PCDHGB2: variants seen among roughly 807,000 people sequenced by gnomAD.
PCDHGB2 encodes protocadherin gamma subfamily B, 2, also known as protocadherin gamma-B2.
In PCDHGB2, 55 loss-of-function variants were observed where a neutral mutation model predicts 59.3. The ratio of observed to expected loss-of-function variants is 0.93; its 90% CI spans 0.75 to 1.16. The LOEUF (loss-of-function observed/expected upper bound fraction) is 1.16. Ranked by LOEUF, PCDHGB2 falls within the 50% of genes most tolerant of loss-of-function variation. PCDHGB2 has a pLI of 0.00. For missense variants in PCDHGB2, 1,228 were observed against 1,198.5 expected, an observed-to-expected ratio of 1.02 and a Z score of -0.36; for synonymous variants, 516 against 512.0, an observed-to-expected ratio of 1.01 and a Z score of -0.11.
At chr5:141,457,560 G>A (rs1466753974) in intron 1 of PCDHGB2, among the ~76,000 whole-genome samples, 1 of 152,162 alleles carries the variant, frequency 6.6e-6, no homozygotes, top group African/African-American at 2.4e-5. Flanking sequence ...ATAAGCTTTG[G>A]AGCAAAATTT....
chr5:141,427,892 C>G (rs752723370), intron 1 of PCDHGB2: 2 of 1,567,044 alleles, frequency 1.3e-6, no homozygotes, highest in African/African-American at 2.7e-5. Context: ...ACGACCAGGG[C>G]TCGCCCGCGC....
chr5:141,396,439 T>C (rs1191341482), intron 1 of PCDHGB2: 1 of 152,138 alleles, frequency 6.6e-6, no homozygotes, highest in African/African-American at 2.4e-5. Flanking sequence ...GCAAACATGG[T>C]GAAACCCCGT....
intron 1 of PCDHGB2, chr5:141,409,829 A>AGC (rs2095323181): frequency 6.2e-7 from 1 of 1,610,980 alleles, no homozygotes; most frequent in African/African-American, 1.3e-5. Context: ...GCCCACGCTC[A>AGC]GCGCCAACGT....
At chr5:141,412,367 A>C (rs1055060515) in intron 1 of PCDHGB2, 3 of 152,264 alleles carry the variant, frequency 2.0e-5, no homozygotes, top group Admixed American at 6.5e-5. Flanking sequence ...TTACCTGCTT[A>C]ATCATTTAAA....
chr5:141,425,221 C>T (rs2096862694), intron 1 of PCDHGB2, among the ~76,000 whole-genome samples: 1 of 152,068 alleles, frequency 6.6e-6, no homozygotes, highest in African/African-American at 2.4e-5. Context: ...TGTACTTTGA[C>T]TGGAATTAGT....
rs768311217 is a variant in PCDHGB2 at position 141,382,969 on chromosome 5, T to C, written c.2421+20413T>C. On this transcript the variant is annotated intron_variant, in intron 1 of 3. Coordinates refer to ENST00000522605, the MANE Select transcript of PCDHGB2 (RefSeq NM_018923.3). Reference sequence around the variant, plus strand: ...GCTCTCCATCCTCCTGGGGACCCCCTGGGAAGCCTGGGCAGGACGTATTCT... The same window carrying C: ...GCTCTCCATCCTCCTGGGGACCCCCCGGGAAGCCTGGGCAGGACGTATTCT... The C allele has an allele frequency of 1.2e-5, 19 of 1,609,300 alleles. No homozygotes were observed. Among genetic ancestry groups the C allele is most frequent in the Non-Finnish European group, 1.6e-5 (19 of 1,176,708 alleles).
chr5:141,387,194 G>T (rs867598874), intron 1 of PCDHGB2, among the ~76,000 whole-genome samples: 1 of 152,178 alleles, frequency 6.6e-6, no homozygotes, highest in Non-Finnish European at 1.5e-5. Flanking sequence ...GGCAATTTTG[G>T]TATTACTGAT....
intron 1 of PCDHGB2, among the ~76,000 whole-genome samples, chr5:141,444,275 G>A (rs1427489988): frequency 7.1e-6 from 1 of 141,698 alleles, no homozygotes; most frequent in Non-Finnish European, 1.5e-5. Flanking sequence ...AGGTTCAAGT[G>A]ATTCTCCTGC....
chr5:141,385,102 G>T (rs370391349), intron 1 of PCDHGB2: 1 of 1,614,056 alleles, frequency 6.2e-7, no homozygotes, highest in South Asian at 1.1e-5. Context: ...CTTGGCGAAC[G>T]TGCCCACCTC....
At chr5:141,474,419 A>AT (rs1348108901) in intron 1 of PCDHGB2, among the ~76,000 whole-genome samples, 1 of 152,204 alleles carries the variant, frequency 6.6e-6, no homozygotes, top group Non-Finnish European at 1.5e-5. Context: ...TGCCTAGACC[A>AT]TTGGTCCTCA....
intron 1 of PCDHGB2, chr5:141,418,237 T>G (rs1470328670): frequency 6.2e-7 from 1 of 1,614,044 alleles, no homozygotes. Context: ...TTGAGGATGT[T>G]AATGACCACG....
At position 141,392,919 on chromosome 5, in the gene PCDHGB2, C is replaced by T. The variant is rs1220575114; in HGVS notation, c.2421+30363C>T. On this transcript the variant is annotated intron_variant, in intron 1 of 3. Coordinates refer to ENST00000522605, the MANE Select transcript of PCDHGB2 (RefSeq NM_018923.3). The stretch of plus-strand genomic sequence containing the variant: ...GAGGGGACAGATTCGCTACTCTGTG[C>T]CAGAAGAGACGGACAAAGGCTCCTT... 5.0e-6 allele frequency: 8 copies of T among 1,613,762 alleles called. No individual in the cohort carries two copies. The African/African-American group carries it at 1.1e-4, about 22-fold the overall frequency.
intron 1 of PCDHGB2, chr5:141,417,966 C>T: frequency 6.2e-7 from 1 of 1,613,776 alleles, no homozygotes; most frequent in Non-Finnish European, 8.5e-7. Flanking sequence ...ATCCGCTACT[C>T]GATTCCGGAG....
chr5:141,403,135 GCGCCGAGTC>G, intron 1 of PCDHGB2: 4 of 1,614,064 alleles, frequency 2.5e-6, no homozygotes, highest in Non-Finnish European at 3.4e-6. Context: ...AGCTGGCGGA[GCGCCGAGTC>G]CGCATCGTCT....
At chr5:141,368,236 C>G (rs1444187989) in intron 1 of PCDHGB2, among the ~76,000 whole-genome samples, 1 of 152,160 alleles carries the variant, frequency 6.6e-6, no homozygotes, top group Non-Finnish European at 1.5e-5. Context: ...CTACATTACT[C>G]AACCACATGA....
chr5:141,446,222 G>C (rs74509878), intron 1 of PCDHGB2, among the ~76,000 whole-genome samples: 7,034 of 152,204 alleles, frequency 0.046, 244 homozygotes, highest in African/African-American at 0.093. Flanking sequence ...ATATTGTTGT[G>C]TTGCCTGGCA....
At chr5:141,409,352 T>G in intron 1 of PCDHGB2, 1 of 1,613,980 alleles carries the variant, frequency 6.2e-7, no homozygotes, top group Non-Finnish European at 8.5e-7. Flanking sequence ...AGAAGTCAGG[T>G]GTAATATAGA....
At chr5:141,399,851 C>T (rs971471583) in intron 1 of PCDHGB2, 3 of 1,612,950 alleles carry the variant, frequency 1.9e-6, no homozygotes, top group Non-Finnish European at 2.5e-6. Flanking sequence ...GATATGGTGC[C>T]GCGCGCTGCA....
rs2099388776 is a variant in PCDHGB2, at chr5:141,476,308, C to T, written c.2422-18499C>T. On this transcript the variant is annotated intron_variant, in intron 1 of 3. Coordinates refer to ENST00000522605, the MANE Select transcript of PCDHGB2 (RefSeq NM_018923.3). The surrounding 1 kb of genome is among the most constrained non-coding windows in gnomAD (Gnocchi z 7.6). ...TGGATCTCGGTAGCCTCTCAGCCCG[C>T]AGGTTCCGGGTGGTGTCTGGAGCTA... The T allele has an allele frequency of 1.2e-6, 2 of 1,613,750 alleles. No individual in the cohort carries two copies. The highest frequency in any genetic ancestry group is 2.7e-5 in the African/African-American group (2 of 74,806).
Sources: gnomAD v4.1 joint callset for allele counts (sites outside exome capture counted in the v4.1 genomes callset) on GRCh38, gnomAD v4.1.1 for gene constraint, Gnocchi (gnomAD v3.1) non-coding constraint, MANE v1.5 for transcripts, NCBI Gene and HGNC (gene_info 2026-07-23, HGNC 2026-07-21) for gene names.